The following KCNIP4 variants were observed in gnomAD, a reference collection of about 807,000 sequenced individuals.
The protein encoded by KCNIP4 is Kv channel-interacting protein 4.
In KCNIP4, 12 loss-of-function variants were observed where a neutral mutation model predicts 34.0. The observed-to-expected ratio is 0.35, with a 90% CI of 0.23 to 0.57. The LOEUF (loss-of-function observed/expected upper bound fraction) is 0.57. Among genes scored for constraint, KCNIP4 ranks in the 20% least tolerant of loss-of-function variants. The pLI is 0.83. For synonymous variants in KCNIP4, 124 were observed against 102.2 expected (o/e 1.21, Z -1.29); for missense variants, 238 against 311.7 (o/e 0.76, Z 1.78).
At chr4:21,324,698 G>T (rs1164778498) in intron 1 of KCNIP4, among the ~76,000 whole-genome samples, 10 of 146,226 alleles carry the variant, frequency 6.8e-5, no homozygotes, top group South Asian at 2.2e-4. Context: ...CTCCAGTTTT[G>T]TTTTGTTTTT....
At position 21,070,925 on chromosome 4, in the gene KCNIP4, T is replaced by G. The variant is rs141004914; in HGVS notation, c.62-188216A>C. ...CTCCTGACCTCGTGATCTGCCCACC[T>G]CGGCTTCCCAAAGTGCTGGAATTAC... On this transcript the variant is annotated intron_variant, in intron 1 of 8. Coordinates refer to ENST00000382152, the MANE Select transcript of KCNIP4 (RefSeq NM_025221.6). Among the ~76,000 whole-genome samples, 977 of 152,088 alleles carry G rather than the reference T, an allele frequency of 6.4e-3. 5 individuals carry two copies. The highest frequency in any genetic ancestry group is 0.021 in the African/African-American group (867 of 41,498).
At chr4:21,321,978 G>A (rs1209858386) in intron 1 of KCNIP4, among the ~76,000 whole-genome samples, 1 of 138,966 alleles carries the variant, frequency 7.2e-6, no homozygotes, top group Non-Finnish European at 1.6e-5. Context: ...GAGAAATGGT[G>A]GAAGGGAAGG....
intron 5 of KCNIP4, among the ~76,000 whole-genome samples, chr4:20,744,371 A>G (rs1052899938): frequency 3.9e-5 from 6 of 152,186 alleles, no homozygotes; most frequent in African/African-American, 9.7e-5. Context: ...AATGTCCATC[A>G]ATGATAGACT....
chr4:21,930,740 G>A (rs1292508525), intron 1 of KCNIP4, among the ~76,000 whole-genome samples: 1 of 152,154 alleles, frequency 6.6e-6, no homozygotes, highest in Non-Finnish European at 1.5e-5. Context: ...CTTCTGCAAC[G>A]TTTCCTTAGC....
chr4:21,345,301 C>G (rs1342798229), intron 1 of KCNIP4, among the ~76,000 whole-genome samples: 1 of 152,078 alleles, frequency 6.6e-6, no homozygotes, highest in Non-Finnish European at 1.5e-5. Context: ...TGGATCTTCC[C>G]CTCACTCAAG....
At chr4:21,382,088 A>G (rs1721561824) in intron 1 of KCNIP4, among the ~76,000 whole-genome samples, 1 of 152,136 alleles carries the variant, frequency 6.6e-6, no homozygotes, top group Non-Finnish European at 1.5e-5. Flanking sequence ...GGATGTATGC[A>G]GGATGTGGGA....
intron 1 of KCNIP4, among the ~76,000 whole-genome samples, chr4:20,932,494 T>C (rs1007262577): frequency 6.6e-6 from 1 of 151,806 alleles, no homozygotes; most frequent in Non-Finnish European, 1.5e-5. Flanking sequence ...TCTAATATTG[T>C]AGACTATAAT....
At chr4:20,863,349 T>C (rs1470774980) in intron 2 of KCNIP4, among the ~76,000 whole-genome samples, 1 of 152,076 alleles carries the variant, frequency 6.6e-6, no homozygotes, top group Non-Finnish European at 1.5e-5. Context: ...AGATTATCGG[T>C]CTAGGTGGTA....
intron 3 of KCNIP4, among the ~76,000 whole-genome samples, chr4:20,835,948 T>C (rs1718986662): frequency 6.6e-6 from 1 of 152,226 alleles, no homozygotes; most frequent in Admixed American, 6.5e-5. Flanking sequence ...CTTTCACTTC[T>C]TTGTATCTCA....
At chr4:21,321,942 G>GGGAGGGAGAGAGAAAA (rs1714508851) in intron 1 of KCNIP4, among the ~76,000 whole-genome samples, 2 of 143,744 alleles carry the variant, frequency 1.4e-5, no homozygotes, top group African/African-American at 5.2e-5. Context: ...GAAGGAGGGA[G>GGGAGGGAGAGAGAAAA]GGAGGGAGAG....
intron 1 of KCNIP4, among the ~76,000 whole-genome samples, chr4:21,284,592 T>A (rs909428270): frequency 4.6e-5 from 7 of 152,124 alleles, no homozygotes; most frequent in Admixed American, 2.0e-4. Flanking sequence ...GGATAGGAGC[T>A]AAGATTTTTC....
At chr4:21,517,279 C>G (rs980959721) in intron 1 of KCNIP4, among the ~76,000 whole-genome samples, 10 of 152,086 alleles carry the variant, frequency 6.6e-5, no homozygotes, top group Non-Finnish European at 1.2e-4. Flanking sequence ...TGTAAATAAC[C>G]ATAAACACAG....
chr4:21,014,399 G>A (rs1029571211), intron 1 of KCNIP4, among the ~76,000 whole-genome samples: 3 of 151,950 alleles, frequency 2.0e-5, no homozygotes, highest in African/African-American at 7.3e-5. Flanking sequence ...GAATCACCTC[G>A]CCTTAAAGGA....
chr4:21,371,970 T>C (rs77817483), intron 1 of KCNIP4, among the ~76,000 whole-genome samples: 1,752 of 147,076 alleles, frequency 0.012, 337 homozygotes, highest in African/African-American at 0.045. Flanking sequence ...CACATATATA[T>C]TGTAAATAAA....
rs143967948 is a variant in KCNIP4, at chr4:21,432,642, C to T, written c.61+515929G>A. On this transcript the variant is annotated intron_variant, in intron 1 of 8. Coordinates refer to ENST00000382152, the MANE Select transcript of KCNIP4 (RefSeq NM_025221.6). ...TTCTGCATTGTGCTTACAAATGATG[C>T]TCAATGAATGGAAGGTGAAAAACCA... 2.0e-5 allele frequency among the ~76,000 whole-genome samples: 3 copies of T among 152,184 alleles called. No homozygotes were observed. The East Asian group carries it at 5.8e-4, about 29-fold the overall frequency.
intron 3 of KCNIP4, among the ~76,000 whole-genome samples, chr4:20,776,402 T>C (rs986874072): frequency 6.6e-6 from 1 of 152,186 alleles, no homozygotes; most frequent in Non-Finnish European, 1.5e-5. Context: ...CTACTTTCGG[T>C]TTCTTGTTAT....
intron 1 of KCNIP4, among the ~76,000 whole-genome samples, chr4:21,402,114 T>G (rs2109556655): frequency 6.6e-6 from 1 of 152,312 alleles, no homozygotes; most frequent in Non-Finnish European, 1.5e-5. Flanking sequence ...CCAGGTTACT[T>G]ATGGTAGACA....
chr4:20,896,726 C>A (rs2149545146), intron 1 of KCNIP4, among the ~76,000 whole-genome samples: 1 of 152,258 alleles, frequency 6.6e-6, no homozygotes, highest in African/African-American at 2.4e-5. Flanking sequence ...TGTTTTATGC[C>A]ATCCAGTTTG....
intron 1 of KCNIP4, among the ~76,000 whole-genome samples, chr4:21,411,261 C>A (rs1560379321): frequency 6.6e-6 from 1 of 152,038 alleles, no homozygotes; most frequent in Non-Finnish European, 1.5e-5. Context: ...AAGAGGCTTT[C>A]TTGGGAGGGG....
Sources: allele counts gnomAD v4.1 joint callset (sites outside exome capture counted in the v4.1 genomes callset), GRCh38; gene constraint gnomAD v4.1.1; transcripts MANE v1.5; gene names NCBI Gene and HGNC (gene_info 2026-07-23, HGNC 2026-07-21).